Variants in SNX8 observed in about 807,000 individuals in gnomAD.
SNX8 encodes the protein sorting nexin-8.
SNX8 carries 25 observed loss-of-function variants against 51.6 expected under a neutral mutation model. The ratio of observed to expected loss-of-function variants is 0.48; its 90% CI spans 0.35 to 0.68. The LOEUF (loss-of-function observed/expected upper bound fraction) is 0.68. SNX8 is among the 30% of genes least tolerant of loss of function. The pLI, the probability that SNX8 is intolerant of heterozygous loss-of-function variation, is 0.00. For missense variants in SNX8, 695 were observed against 624.0 expected (o/e 1.11, Z -1.21); for synonymous variants, 324 against 277.0 (o/e 1.17, Z -1.68).
At chr7:2,285,694 T>C (rs1004476895) in intron 1 of SNX8, among the ~76,000 whole-genome samples, 60 of 152,132 alleles carry the variant, frequency 3.9e-4, no homozygotes, top group African/African-American at 1.4e-3. Context: ...TGAGACAGGA[T>C]CTTTCTCTGT....
chr7:2,303,319 C>T (rs1377577345), intron 1 of SNX8, among the ~76,000 whole-genome samples: 13 of 149,140 alleles, frequency 8.7e-5, no homozygotes, highest in South Asian at 4.2e-4. Flanking sequence ...CCGCCCCGTC[C>T]GGGAGGGAGG....
intron 1 of SNX8, among the ~76,000 whole-genome samples, chr7:2,292,516 A>C (rs1414792280): frequency 1.3e-5 from 2 of 150,422 alleles, no homozygotes; most frequent in Non-Finnish European, 3.0e-5. Context: ...GGTTCACGCC[A>C]TTCTCCTGCC....
At chr7:2,262,341 T>C (rs890060918) in intron 7 of SNX8, among the ~76,000 whole-genome samples, 2 of 152,128 alleles carry the variant, frequency 1.3e-5, no homozygotes, top group African/African-American at 4.8e-5. Flanking sequence ...TGCCCAGCCA[T>C]GTAACACTTT....
At chr7:2,340,093 C>T (rs1224943312) in intron 1 of SNX8, among the ~76,000 whole-genome samples, 2 of 150,980 alleles carry the variant, frequency 1.3e-5, no homozygotes, top group African/African-American at 2.4e-5. Flanking sequence ...GACAGAGTTC[C>T]GCTCTTATTG....
chr7:2,256,920 T>C lies in SNX8; in HGVS notation c.1238A>G (p.His413Arg), dbSNP rs1795197697. The C allele has an allele frequency of 6.2e-7, 1 of 1,613,598 alleles. No individual in the cohort carries two copies. Among genetic ancestry groups the C allele is most frequent in the East Asian group, 2.2e-5 (1 of 44,858 alleles). The change falls in exon 10 of 11, where the codon CAC becomes CGC. Residue 413 changes from histidine (H) to arginine (R), a missense_variant. Transcript: ENST00000222990. ...AGAGTTGACGAAGGCGCGGAGGATG[T>C]GGGAGGTGAGGGGCAGGTAGACGTG... is the stretch of plus-strand genomic sequence containing the variant. Reference protein sequence around the residue: ...LIHVYLPLTSHILRAFVNSQI... With the variant: ...LIHVYLPLTSRILRAFVNSQI...
At chr7:2,269,382 G>A (rs1372654849) in intron 5 of SNX8, among the ~76,000 whole-genome samples, 177 bp downstream of exon 5, 2 of 150,376 alleles carry the variant, frequency 1.3e-5, no homozygotes, top group East Asian at 2.0e-4. Flanking sequence ...ACTGCGGAAG[G>A]CCGCAGGGTC....
In SNX8 at chr7:2,327,684, G is replaced by A. The variant is rs139075268; in HGVS notation, c.-66+26538C>T. 7.9e-3 allele frequency among the ~76,000 whole-genome samples: 1,187 copies of A among 149,476 alleles called. 20 individuals are homozygous for A. The highest frequency in any genetic ancestry group is 0.027 in the African/African-American group (1,107 of 40,460). ...GGCCTCCCAAAGTGCTGGGATTACA[G>A]GCGTGAGCCATCGCACCCGGCCTAA... On this transcript the variant is annotated intron_variant, in intron 1 of 5. Transcript: ENST00000435336.
intron 3 of SNX8, among the ~76,000 whole-genome samples, chr7:2,273,457 G>A (rs749350847): frequency 1.4e-4 from 21 of 151,514 alleles, no homozygotes; most frequent in Non-Finnish European, 2.7e-4. Flanking sequence ...GTGGTGGCGG[G>A]CGCCTGTAGT....
chr7:2,269,046 A>G (rs1255441405), intron 5 of SNX8, among the ~76,000 whole-genome samples: 2 of 135,388 alleles, frequency 1.5e-5, no homozygotes, highest in African/African-American at 5.4e-5. Context: ...CAGCTCATTG[A>G]GAACGGGCCA....
Position 2,267,986 on chromosome 7 carries a change from C to T in SNX8, c.621+1573G>A, listed in dbSNP as rs535523402. ...GCCGCCCCATCTGGGATGTGAGGAG[C>T]GCCTCTGCCCGGCCGAGACCCCGTC... On this transcript the variant is annotated intron_variant, in intron 5 of 10. Transcript: ENST00000222990. 1.9e-3 allele frequency among the ~76,000 whole-genome samples: 270 copies of T among 142,288 alleles called. 3 individuals are homozygous for T. The highest frequency in any genetic ancestry group is 6.6e-3 in the African/African-American group (245 of 37,316). The allele number at this position is 142,288 out of a possible 152,430, so 93.3% of individuals were successfully genotyped here.
At chr7:2,275,282 G>T in intron 2 of SNX8, 53 bp from the exon 3 acceptor site, 1 of 1,222,844 alleles carries the variant, frequency 8.2e-7, no homozygotes, top group Non-Finnish European at 1.2e-6. Context: ...ATGCTGTCGC[G>T]TCACTTCCCC....
chr7:2,259,641 G>T (rs578042906), intron 7 of SNX8, among the ~76,000 whole-genome samples: 176 of 152,356 alleles, frequency 1.2e-3, no homozygotes, highest in Admixed American at 3.3e-4. Context: ...ACCCAAAGCA[G>T]CTGGGATTCC....
At chr7:2,285,504 A>G (rs989778535) in intron 1 of SNX8, among the ~76,000 whole-genome samples, 3 of 152,194 alleles carry the variant, frequency 2.0e-5, no homozygotes, top group African/African-American at 7.2e-5. Context: ...TAGACATGAG[A>G]GTTTGGCAGC....
intron 1 of SNX8, among the ~76,000 whole-genome samples, chr7:2,351,511 C>A (rs1779137523): frequency 6.6e-6 from 1 of 152,128 alleles, no homozygotes. Context: ...TGTACTCCAG[C>A]CTGGGTGACA....
At chr7:2,272,744 G>A (rs570951229) in intron 3 of SNX8, among the ~76,000 whole-genome samples, 32 of 152,146 alleles carry the variant, frequency 2.1e-4, no homozygotes, top group Middle Eastern at 3.4e-3. Flanking sequence ...CTTTCATTCG[G>A]GTTAAATATT....
At chr7:2,349,591 C>G (rs1462362298) in intron 1 of SNX8, among the ~76,000 whole-genome samples, 1 of 151,650 alleles carries the variant, frequency 6.6e-6, no homozygotes, top group Non-Finnish European at 1.5e-5. Context: ...ACTACAGGAG[C>G]ACGCCCCCAC....
intron 1 of SNX8, among the ~76,000 whole-genome samples, chr7:2,308,735 C>G (rs1796601637): frequency 6.8e-6 from 1 of 146,344 alleles, no homozygotes; most frequent in African/African-American, 2.5e-5. Context: ...GTCCCTAATG[C>G]AAACAATACT....
chr7:2,319,624 G>A (rs1487509529), intron 1 of SNX8, among the ~76,000 whole-genome samples: 1 of 152,102 alleles, frequency 6.6e-6, no homozygotes, highest in Non-Finnish European at 1.5e-5. Context: ...GACCATCCTG[G>A]CTAACACGGT....
In SNX8 at chr7:2,335,578, G is replaced by A. The variant is rs560814731; in HGVS notation, c.-66+18644C>T. Among the ~76,000 whole-genome samples the A allele has an allele frequency of 3.8e-3, 574 of 152,084 alleles. 3 individuals are homozygous for A. Among genetic ancestry groups the A allele is most frequent in the African/African-American group, 0.013 (519 of 41,504 alleles). ...AGCACTTCGGGAGGCCGAGGCGGGC[G>A]TATCACGAGGTCAGGAGATCTAGAC... On this transcript the variant is annotated intron_variant, in intron 1 of 5. Coordinates refer to the SNX8 transcript ENST00000435336.
Sources: allele counts gnomAD v4.1 joint callset (sites outside exome capture counted in the v4.1 genomes callset), GRCh38; gene constraint gnomAD v4.1.1; transcripts MANE v1.5; gene names NCBI Gene and HGNC (gene_info 2026-07-23, HGNC 2026-07-21).